The following TIMELESS variants were observed in gnomAD, a reference collection of about 807,000 sequenced individuals.
The protein encoded by TIMELESS is protein timeless homolog.
In TIMELESS, 124 loss-of-function variants were observed where a neutral mutation model predicts 164.3. That is an observed-to-expected ratio of 0.75 (90% confidence interval 0.65 to 0.88). The LOEUF is 0.88. Among genes scored for constraint, TIMELESS ranks in the 40% least tolerant of loss-of-function variants. The pLI is 0.00. For synonymous variants in TIMELESS, 564 were observed against 563.4 expected, an observed-to-expected ratio of 1.00 and a Z score of -0.02; for missense variants, 1,422 against 1,491.4, an observed-to-expected ratio of 0.95 and a Z score of 0.77.
chr12:56,424,969 C>G lies in TIMELESS; in HGVS notation c.1716+46G>C, dbSNP rs768015792. 5 of 1,613,972 alleles carry G rather than the reference C, an allele frequency of 3.1e-6. No homozygotes were observed. In the Admixed American group the frequency reaches 5.0e-5, roughly 16 times the overall value. ...GGAGTGGAAAACCCAGATTGTATAC[C>G]CTGAGCACTATTCTCAAAAAAGACA... On this transcript the variant is annotated intron_variant, in intron 14 of 28. Transcript: ENST00000553532.
chr12:56,447,209 T>A (rs1463987694), intron 1 of TIMELESS, among the ~76,000 whole-genome samples: 3 of 79,284 alleles, frequency 3.8e-5, no homozygotes, highest in Admixed American at 1.5e-4. Flanking sequence ...TTTTTTTTTT[T>A]AGTAGAGATA....
intron 1 of TIMELESS, among the ~76,000 whole-genome samples, chr12:56,437,381 C>G (rs912524137): frequency 2.0e-5 from 3 of 151,378 alleles, no homozygotes; most frequent in African/African-American, 7.3e-5. Flanking sequence ...ATAGTAATAC[C>G]TTTTCCTAGT....
At chr12:56,418,769 C>G (rs1881357132) in intron 26 of TIMELESS, among the ~76,000 whole-genome samples, 1 of 151,578 alleles carries the variant, frequency 6.6e-6, no homozygotes, top group South Asian at 2.1e-4. Flanking sequence ...TTTGTAGAGA[C>G]AGGGTCTTGC....
intron 1 of TIMELESS, among the ~76,000 whole-genome samples, chr12:56,448,121 T>C (rs759862090): frequency 2.0e-5 from 3 of 152,116 alleles, no homozygotes; most frequent in Admixed American, 6.6e-5. Context: ...AAAGTACTAG[T>C]AGGGCCGGGT....
chr12:56,428,452 T>G (rs764958872), intron 12 of TIMELESS, 47 bp from the exon 13 acceptor site: 1 of 1,606,424 alleles, frequency 6.2e-7, no homozygotes, highest in Non-Finnish European at 8.5e-7. Flanking sequence ...TCTGGAAAGC[T>G]TGAAAAGGAG....
Position 56,434,246 on chromosome 12 carries a change from AAAG to A in TIMELESS, c.-61-18_-61-16del. ...AATGATGAGGCCTGGAGAAATAGAGAAAGATAAAAAATGTAAGTTCCTCTCCAT... is the reference window on the plus strand; with the variant it reads ...AATGATGAGGCCTGGAGAAATAGAGAATAAAAAATGTAAGTTCCTCTCCAT... On this transcript the variant is annotated splice_polypyrimidine_tract_variant and intron_variant, in intron 1 of 28. Transcript: ENST00000553532. The A allele has an allele frequency of 8.2e-7, 1 of 1,223,198 alleles. No individual in the cohort carries two copies. The highest frequency in any genetic ancestry group is 1.2e-6 in the Non-Finnish European group (1 of 831,082). 75.8% of individuals were successfully genotyped at this position (1,223,198 alleles called of 1,614,324 possible).
intron 1 of TIMELESS, among the ~76,000 whole-genome samples, chr12:56,446,932 T>C (rs759863401): frequency 2.6e-5 from 4 of 152,066 alleles, no homozygotes; most frequent in Admixed American, 6.5e-5. Context: ...GTACTTACAA[T>C]TCATGTTGTA....
chr12:56,423,909 G>C lies in TIMELESS; in HGVS notation c.1869-15C>G. On this transcript the variant is annotated splice_polypyrimidine_tract_variant and intron_variant, in intron 15 of 28. Coordinates refer to ENST00000553532, the MANE Select transcript of TIMELESS (RefSeq NM_003920.5). ...GCCACACCTCCCTGGAGCACAGATA[G>C]AAAAAAGGCTTTACCCAGGGGAAAT... is the stretch of plus-strand genomic sequence containing the variant. The C allele has an allele frequency of 1.9e-6, 3 of 1,608,572 alleles. No homozygotes were observed. Among genetic ancestry groups the C allele is most frequent in the Non-Finnish European group, 2.6e-6 (3 of 1,176,360 alleles).
chr12:56,442,151 A>G (rs1445990424), intron 1 of TIMELESS, among the ~76,000 whole-genome samples: 1 of 126,632 alleles, frequency 7.9e-6, no homozygotes, highest in Non-Finnish European at 1.9e-5. Context: ...CAAACAATGT[A>G]AAAGATAAGG....
rs1881264719 is a variant in TIMELESS at position 56,416,546 on chromosome 12, TC to T, written c.*1169del. 6.6e-6 allele frequency: 1 copy of T among 152,184 alleles called. No individual in the cohort carries two copies. The highest frequency in any genetic ancestry group is 6.5e-5 in the Admixed American group (1 of 15,268). The allele number at this position is 152,184 out of a possible 1,614,324, so 9.4% of individuals were successfully genotyped here. A position where few individuals can be genotyped will look rare whatever the true frequency, so the allele number is the denominator to read the frequency against. On this transcript the variant is annotated 3_prime_UTR_variant, in exon 29 of 29. Coordinates refer to ENST00000553532, the MANE Select transcript of TIMELESS (RefSeq NM_003920.5). The stretch of plus-strand genomic sequence containing the variant: ...CCATCCTTTTCATGCCTAGATTTTG[TC>T]CTTTTCTATGCCCCATGCCAACAAG...
chr12:56,430,395 T>C, intron 9 of TIMELESS, 114 bp from the exon 10 acceptor site: 1 of 1,253,446 alleles, frequency 8.0e-7, no homozygotes, highest in South Asian at 1.5e-5. Flanking sequence ...AGACAAGAAC[T>C]TGCTCTGTCA....
intron 19 of TIMELESS, 128 bp from the exon 20 acceptor site, chr12:56,422,319 C>A: frequency 2.8e-6 from 2 of 714,590 alleles, no homozygotes; most frequent in Non-Finnish European, 4.7e-6. Flanking sequence ...GGCCAGCCAG[C>A]AGAGGCCTAC....
chr12:56,446,675 A>T (rs1445488773), intron 1 of TIMELESS, among the ~76,000 whole-genome samples: 1 of 151,752 alleles, frequency 6.6e-6, no homozygotes, highest in Non-Finnish European at 1.5e-5. Context: ...TACTAAAAAT[A>T]AAAAAAATTA....
At chr12:56,447,099 TC>T (rs1868364419) in intron 1 of TIMELESS, among the ~76,000 whole-genome samples, 1 of 147,156 alleles carries the variant, frequency 6.8e-6, no homozygotes, top group African/African-American at 2.5e-5. Flanking sequence ...AACCTCCGCC[TC>T]CCGGGTTCAA....
chr12:56,436,384 G>C (rs563768786), intron 1 of TIMELESS, among the ~76,000 whole-genome samples: 1 of 152,098 alleles, frequency 6.6e-6, no homozygotes, highest in Non-Finnish European at 1.5e-5. Context: ...AACCCGGGAG[G>C]CAGAGGTTGC....
Position 56,424,883 on chromosome 12 carries a change from G to T in TIMELESS, c.1747C>A (p.Pro583Thr). The T allele has an allele frequency of 6.2e-7, 1 of 1,614,232 alleles. No homozygotes were observed. Among genetic ancestry groups the T allele is most frequent in the Non-Finnish European group, 8.5e-7 (1 of 1,180,036 alleles). The change falls in exon 15 of 29, where the codon CCC (proline) becomes ACC (threonine). Residue 583 changes from proline (P) to threonine (T), a missense_variant. Coordinates refer to ENST00000553532, the MANE Select transcript of TIMELESS (RefSeq NM_003920.5). ...GGCACCTCTGAGGCCGCATCAAAGG[G>T]AACCACGGAGTCCATGCTGAGCTCA... ...NSELSMDSVV[P>T]FDAASEVPVE...
At chr12:56,426,543 C>T (rs775881369) in intron 13 of TIMELESS, among the ~76,000 whole-genome samples, 3 of 150,848 alleles carry the variant, frequency 2.0e-5, no homozygotes, top group Admixed American at 6.6e-5. Context: ...TGTGCCACCA[C>T]GCCAGGCTAA....
In TIMELESS at chr12:56,444,256, T is replaced by C. The variant is rs143830466; in HGVS notation, c.-62+5054A>G. ...TCCCAAAGAACCACTATTCCTAACT[T>C]TCATCATTATCCTCAAGCCCCTTCA... On this transcript the variant is annotated intron_variant, in intron 1 of 28. Coordinates refer to ENST00000553532, the MANE Select transcript of TIMELESS (RefSeq NM_003920.5). Among the ~76,000 whole-genome samples, 610 of 152,150 alleles carry C rather than the reference T, an allele frequency of 4.0e-3. 6 individuals carry two copies. Among genetic ancestry groups the C allele is most frequent in the African/African-American group, 0.013 (547 of 41,516 alleles).
Position 56,428,580 on chromosome 12 carries a change from C to G in TIMELESS, c.1377G>C (p.Glu459Asp). ...TGATGCGGCTGCTCTCCCTCACAGCCTCATCTGGAGATATGTCCATCTCAT... is the reference window on the plus strand; with the variant it reads ...TGATGCGGCTGCTCTCCCTCACAGCGTCATCTGGAGATATGTCCATCTCAT... Reference protein sequence around the residue: ...TVNEMDISPDEAVRESSRIIK... With the variant: ...TVNEMDISPDDAVRESSRIIK... Residue 459 changes from glutamate to aspartate, a missense_variant, in exon 12 of 29, where the codon GAG becomes GAC. By Grantham distance (45) the Glu-to-Asp change is conservative. Transcript: ENST00000553532. 1 of 1,614,144 alleles carries G rather than the reference C, an allele frequency of 6.2e-7. No homozygotes were observed. Among genetic ancestry groups the G allele is most frequent in the Admixed American group, 1.7e-5 (1 of 60,024 alleles).
Sources: allele counts gnomAD v4.1 joint callset (sites outside exome capture counted in the v4.1 genomes callset), GRCh38; gene constraint gnomAD v4.1.1; transcripts MANE v1.5; gene names NCBI Gene and HGNC (gene_info 2026-07-23, HGNC 2026-07-21).